Variants in LIPN observed in about 807,000 individuals in gnomAD.
The protein encoded by LIPN is lipase member N.
A neutral mutation model predicts 43.7 loss-of-function variants in LIPN; 32 were observed. The observed-to-expected ratio is 0.73, with a 90% CI of 0.55 to 0.98. The LOEUF (loss-of-function observed/expected upper bound fraction) is 0.98, where lower values mean the gene tolerates loss of function less well. Ranked by LOEUF, LIPN falls within the 50% of genes least tolerant of loss-of-function variation. LIPN has a pLI of 0.00. For missense variants in LIPN, 505 were observed against 483.8 expected, an observed-to-expected ratio of 1.04 and a Z score of -0.41; for synonymous variants, 156 against 157.6, an observed-to-expected ratio of 0.99 and a Z score of 0.08.
rs769134828 is a variant in LIPN, at chr10:88,778,817, C to A, written c.*575C>A. On this transcript the variant is annotated 3_prime_UTR_variant, in exon 10 of 10. Transcript: ENST00000404459. ...TTACAATCTTATCCCTGGCTATCTG[C>A]GTAAACGGAATCTTGAACCCATAAT... 2.0e-5 allele frequency among the ~76,000 whole-genome samples: 3 copies of A among 152,262 alleles called. No individual in the cohort carries two copies. The highest frequency in any genetic ancestry group is 2.0e-4 in the Admixed American group (3 of 15,290).
intron 4 of LIPN, among the ~76,000 whole-genome samples, chr10:88,764,956 A>G (rs1024647224): frequency 2.0e-5 from 3 of 149,556 alleles, no homozygotes; most frequent in Non-Finnish European, 3.0e-5. Context: ...GGCCCCGAAC[A>G]TTCAAACAGG....
intron 4 of LIPN, among the ~76,000 whole-genome samples, chr10:88,765,934 T>C (rs1331561127): frequency 6.6e-6 from 1 of 151,742 alleles, no homozygotes; most frequent in East Asian, 1.9e-4. Context: ...TTGTGAAGCC[T>C]CATGTGGGAG....
upstream of LIPN, among the ~76,000 whole-genome samples, chr10:88,758,358 T>C (rs1842952222): frequency 8.3e-6 from 1 of 119,842 alleles, no homozygotes; most frequent in Non-Finnish European, 1.7e-5. Context: ...TATCATCTAA[T>C]TTTATTAAAA....
rs1482340529 is a variant in LIPN, at chr10:88,779,534, A to T, written c.*1292A>T. On this transcript the variant is annotated 3_prime_UTR_variant, in exon 10 of 10. Coordinates refer to ENST00000404459, the MANE Select transcript of LIPN (RefSeq NM_001102469.2). ...ACTATGTGATTGCAAATATATACAA[A>T]TATTAAAACAATTATATGACTTTAT... Among the ~76,000 whole-genome samples, 1 of 152,212 alleles carries T rather than the reference A, an allele frequency of 6.6e-6. No homozygotes were observed. The highest frequency in any genetic ancestry group is 1.5e-5 in the Non-Finnish European group (1 of 68,034).
intron 8 of LIPN, 27 bp downstream of exon 8, chr10:88,774,571 T>C (rs1251612259): frequency 6.4e-7 from 1 of 1,553,774 alleles, no homozygotes; most frequent in East Asian, 2.3e-5. Flanking sequence ...GGAAAACCAT[T>C]CCAATCCTTA....
At chr10:88,765,975 G>A (rs971012683) in intron 4 of LIPN, among the ~76,000 whole-genome samples, 48 of 152,040 alleles carry the variant, frequency 3.2e-4, no homozygotes, top group African/African-American at 1.2e-3. Context: ...GCCAGATGGG[G>A]AAAGGGAGGG....
At chr10:88,764,295 A>ATG (rs1391371488) in intron 3 of LIPN, 115 bp from the exon 4 acceptor site, 1 of 725,868 alleles carries the variant, frequency 1.4e-6, no homozygotes, top group Non-Finnish European at 2.3e-6. Flanking sequence ...CCATGTGTGT[A>ATG]TGTGTGTGTG....
chr10:88,773,225 TA>T (rs1843240164), intron 7 of LIPN, among the ~76,000 whole-genome samples: 1 of 151,882 alleles, frequency 6.6e-6, no homozygotes, highest in Non-Finnish European at 1.5e-5. Flanking sequence ...AAACCTTGAA[TA>T]TGAAGACTGG....
At chr10:88,773,924 C>T (rs1362947969) in intron 7 of LIPN, among the ~76,000 whole-genome samples, 3 of 152,018 alleles carry the variant, frequency 2.0e-5, no homozygotes, top group East Asian at 3.9e-4. Flanking sequence ...AAAAAATTGG[C>T]TTTTAGCTTT....
intron 3 of LIPN, among the ~76,000 whole-genome samples, chr10:88,763,796 T>C (rs1843041942): frequency 6.6e-6 from 1 of 152,010 alleles, no homozygotes; most frequent in Admixed American, 6.6e-5. Context: ...AGTTTTTAAA[T>C]GCTCTCCACT....
chr10:88,772,939 T>A (rs2134856120), intron 7 of LIPN, among the ~76,000 whole-genome samples: 1 of 150,822 alleles, frequency 6.6e-6, no homozygotes, highest in South Asian at 2.1e-4. Context: ...GAATAAACCA[T>A]ACCAAAGAAG....
intron 3 of LIPN, among the ~76,000 whole-genome samples, chr10:88,763,038 A>AT (rs1843029203): frequency 1.3e-5 from 2 of 152,032 alleles, no homozygotes; most frequent in Admixed American, 1.3e-4. Flanking sequence ...TACCGTGTTC[A>AT]TTTTGCATCT....
At chr10:88,775,051 C>T in intron 8 of LIPN, 41 bp from the exon 9 acceptor site, 1 of 1,360,872 alleles carries the variant, frequency 7.3e-7, no homozygotes. Context: ...TTTCATGATT[C>T]TTACCCTAAC....
chr10:88,776,216 G>T (rs1341129908), intron 9 of LIPN, among the ~76,000 whole-genome samples: 1 of 151,372 alleles, frequency 6.6e-6, no homozygotes, highest in Non-Finnish European at 1.5e-5. Context: ...CTTAGAAAAG[G>T]TCTAGAAAAA....
At chr10:88,762,070 C>A in intron 2 of LIPN, 118 bp from the exon 3 acceptor site, 1 of 511,036 alleles carries the variant, frequency 2.0e-6, no homozygotes, top group Non-Finnish European at 3.5e-6. Flanking sequence ...TTTACAGTTA[C>A]CTGGTGCTAC....
At chr10:88,763,031 C>A (rs1002539452) in intron 3 of LIPN, among the ~76,000 whole-genome samples, 1 of 152,080 alleles carries the variant, frequency 6.6e-6, no homozygotes, top group African/African-American at 2.4e-5. Flanking sequence ...AGCTGCTTAC[C>A]GTGTTCATTT....
chr10:88,768,310 G>A (rs368391042), intron 5 of LIPN, among the ~76,000 whole-genome samples: 5 of 151,966 alleles, frequency 3.3e-5, no homozygotes, highest in African/African-American at 1.2e-4. Flanking sequence ...TAAGACACTG[G>A]GAGCAGTGAA....
intron 1 of LIPN, among the ~76,000 whole-genome samples, chr10:88,760,927 T>G (rs537174062): frequency 1.2e-4 from 18 of 152,268 alleles, no homozygotes; most frequent in Non-Finnish European, 2.6e-4. Context: ...TGAGAAATAA[T>G]CACATCACTA....
At chr10:88,768,516 A>C (rs1791967648) in intron 5 of LIPN, among the ~76,000 whole-genome samples, 1 of 151,820 alleles carries the variant, frequency 6.6e-6, no homozygotes, top group African/African-American at 2.4e-5. Flanking sequence ...AGCAGTAGCT[A>C]CTCCAGCAGC....
Sources: allele counts gnomAD v4.1 joint callset (sites outside exome capture counted in the v4.1 genomes callset), GRCh38; gene constraint gnomAD v4.1.1; transcripts MANE v1.5; gene names NCBI Gene and HGNC (gene_info 2026-07-23, HGNC 2026-07-21).